Variants in SLC26A7 observed in about 807,000 individuals in gnomAD.
The protein encoded by SLC26A7 is solute carrier family 26 member 7, also known as anion exchange transporter.
Under a neutral mutation model 82.5 loss-of-function variants are expected in SLC26A7, and 59 were observed. The observed-to-expected ratio is 0.72, with a 90% CI of 0.58 to 0.89. The LOEUF (loss-of-function observed/expected upper bound fraction) is 0.89, where lower values mean the gene tolerates loss of function less well. Among genes scored for constraint, SLC26A7 ranks in the 40% least tolerant of loss-of-function variants. The pLI is 0.00. For synonymous variants in SLC26A7, 271 were observed against 274.3 expected, an observed-to-expected ratio of 0.99 and a Z score of 0.12; for missense variants, 820 against 793.0, an observed-to-expected ratio of 1.03 and a Z score of -0.41.
At chr8:91,390,033 C>G (rs1450155733) in intron 16 of SLC26A7, among the ~76,000 whole-genome samples, 3 of 151,946 alleles carry the variant, frequency 2.0e-5, no homozygotes, top group African/African-American at 7.3e-5. Flanking sequence ...CTCATTTCCA[C>G]AGATGGAAGA....
At chr8:91,234,615 G>A (rs924017266) in intron 2 of SLC26A7, among the ~76,000 whole-genome samples, 1 of 152,072 alleles carries the variant, frequency 6.6e-6, no homozygotes, top group Admixed American at 6.5e-5. Flanking sequence ...AAATGTTGAA[G>A]TATGTGATGC....
At chr8:91,226,146 T>C (rs1810236521) in intron 2 of SLC26A7, among the ~76,000 whole-genome samples, 1 of 152,226 alleles carries the variant, frequency 6.6e-6, no homozygotes, top group African/African-American at 2.4e-5. Context: ...TTTAGCTTCA[T>C]TTACCACACC....
chr8:91,384,846 A>G (rs534152217), intron 15 of SLC26A7, among the ~76,000 whole-genome samples: 10 of 152,186 alleles, frequency 6.6e-5, no homozygotes, highest in Non-Finnish European at 1.5e-4. Flanking sequence ...TCCAAAGGCA[A>G]TGCTGTGGTT....
chr8:91,328,764 A>G (rs558277357), intron 5 of SLC26A7, among the ~76,000 whole-genome samples: 11 of 152,080 alleles, frequency 7.2e-5, no homozygotes, highest in Middle Eastern at 3.4e-3. Flanking sequence ...ATGTGTGTGT[A>G]TGTGTGTGTG....
intron 1 of SLC26A7, among the ~76,000 whole-genome samples, chr8:91,213,230 T>C (rs1163669671): frequency 6.6e-6 from 1 of 152,152 alleles, no homozygotes; most frequent in Non-Finnish European, 1.5e-5. Context: ...GATGGGATTT[T>C]CTTTGTCGTT....
intron 3 of SLC26A7, among the ~76,000 whole-genome samples, chr8:91,289,565 A>G (rs1586367997): frequency 6.6e-6 from 1 of 152,234 alleles, no homozygotes; most frequent in East Asian, 1.9e-4. Context: ...GAATCGCTTG[A>G]ACCTGGGAGG....
chr8:91,220,721 A>G (rs1057480366), intron 2 of SLC26A7, among the ~76,000 whole-genome samples: 7 of 152,154 alleles, frequency 4.6e-5, no homozygotes, highest in Admixed American at 4.6e-4. Flanking sequence ...CATGGTGTAT[A>G]TGTACCATAT....
chr8:91,239,375 C>CAAA (rs1219500630), intron 2 of SLC26A7, among the ~76,000 whole-genome samples: 1,124 of 83,682 alleles, frequency 0.013, 58 homozygotes, highest in African/African-American at 0.052. Context: ...GACTCCGTCT[C>CAAA]AAAAAAAAAA....
intron 6 of SLC26A7, among the ~76,000 whole-genome samples, chr8:91,337,214 TA>T (rs1246332173): frequency 1.3e-5 from 2 of 152,064 alleles, no homozygotes; most frequent in African/African-American, 4.8e-5. Flanking sequence ...ACAACAGGAA[TA>T]GGGGAAAAAA....
intron 2 of SLC26A7, among the ~76,000 whole-genome samples, chr8:91,252,260 T>C (rs901105164): frequency 6.6e-6 from 1 of 152,078 alleles, no homozygotes; most frequent in Admixed American, 6.6e-5. Context: ...CTAGTAGTTG[T>C]TTTTCGTTCT....
At chr8:91,219,508 GT>G (rs1810123744) in intron 2 of SLC26A7, among the ~76,000 whole-genome samples, 1 of 152,000 alleles carries the variant, frequency 6.6e-6, no homozygotes, top group Non-Finnish European at 1.5e-5. Flanking sequence ...CTTTGTGACT[GT>G]TTTTAATTTT....
At chr8:91,272,548 G>C (rs944174090) in intron 2 of SLC26A7, among the ~76,000 whole-genome samples, 1 of 152,104 alleles carries the variant, frequency 6.6e-6, no homozygotes, top group Admixed American at 6.6e-5. Context: ...GTTTTTACCT[G>C]ATCTTGAAGG....
intron 1 of SLC26A7, among the ~76,000 whole-genome samples, chr8:91,217,972 C>A (rs1233227013): frequency 6.6e-6 from 1 of 152,114 alleles, no homozygotes; most frequent in African/African-American, 2.4e-5. Context: ...CCTGCTGATA[C>A]ATCACCAGGG....
At chr8:91,362,516 A>G in intron 12 of SLC26A7, 57 bp downstream of exon 12, 1 of 1,316,774 alleles carries the variant, frequency 7.6e-7, no homozygotes, top group Non-Finnish European at 1.1e-6. Flanking sequence ...ATACATGGTT[A>G]CTTGCCATAT....
intron 15 of SLC26A7, among the ~76,000 whole-genome samples, chr8:91,371,848 T>A (rs909354354): frequency 1.3e-5 from 2 of 151,982 alleles, no homozygotes; most frequent in African/African-American, 4.8e-5. Flanking sequence ...TAATTTACAT[T>A]CCCACCTACA....
At chr8:91,267,925 A>G (rs1289709610) in intron 2 of SLC26A7, among the ~76,000 whole-genome samples, 1 of 151,758 alleles carries the variant, frequency 6.6e-6, no homozygotes, top group Non-Finnish European at 1.5e-5. Context: ...GCTGTATCCT[A>G]CAGGTTTTGG....
At chr8:91,308,246 G>GGT (rs35920887) in intron 4 of SLC26A7, among the ~76,000 whole-genome samples, 11,083 of 145,606 alleles carry the variant, frequency 0.076, 581 homozygotes, top group African/African-American at 0.16. Flanking sequence ...AGGAGGAAGA[G>GGT]GTGTGTGTGT....
At chr8:91,366,762 T>C in intron 14 of SLC26A7, 45 bp downstream of exon 14, 1 of 1,569,506 alleles carries the variant, frequency 6.4e-7, no homozygotes. Flanking sequence ...CATGTAGCCT[T>C]ATATCATGAC....
chr8:91,220,131 G>C (rs946435217), intron 2 of SLC26A7, among the ~76,000 whole-genome samples: 7 of 152,114 alleles, frequency 4.6e-5, no homozygotes, highest in African/African-American at 1.7e-4. Flanking sequence ...TCAAACCAGA[G>C]AGCAAAGTTC....
Sources: gnomAD v4.1 joint callset for allele counts (sites outside exome capture counted in the v4.1 genomes callset) on GRCh38, gnomAD v4.1.1 for gene constraint, MANE v1.5 for transcripts, NCBI Gene and HGNC (gene_info 2026-07-23, HGNC 2026-07-21) for gene names.